MGAT4C: variants seen among roughly 807,000 people sequenced by gnomAD.
The protein encoded by MGAT4C is MGAT4 family member C.
MGAT4C carries 19 observed loss-of-function variants against 40.1 expected under a neutral mutation model. The ratio of observed to expected loss-of-function variants is 0.47; its 90% CI spans 0.33 to 0.70. The LOEUF (loss-of-function observed/expected upper bound fraction) is 0.70, where lower values mean the gene tolerates loss of function less well. Ranked by LOEUF, MGAT4C falls within the 30% of genes least tolerant of loss-of-function variation. The pLI is 0.02. For missense variants in MGAT4C, 491 were observed against 563.2 expected (o/e 0.87, Z 1.30); for synonymous variants, 181 against 187.1 (o/e 0.97, Z 0.27).
intron 1 of MGAT4C, among the ~76,000 whole-genome samples, chr12:86,124,803 A>G (rs544686919): frequency 1.3e-5 from 2 of 152,294 alleles, no homozygotes; most frequent in African/African-American, 4.8e-5. Context: ...TTTTAGTGCT[A>G]TAATTTTACC....
At chr12:86,372,742 A>C (rs1297820400) in intron 3 of MGAT4C, among the ~76,000 whole-genome samples, 1 of 151,820 alleles carries the variant, frequency 6.6e-6, no homozygotes. Context: ...TTTATATTCA[A>C]TTGCAATAGC....
chr12:86,146,559 C>T (rs1242176067), intron 1 of MGAT4C, among the ~76,000 whole-genome samples: 3 of 152,038 alleles, frequency 2.0e-5, no homozygotes, highest in Non-Finnish European at 1.5e-5. Context: ...ATTTAAATCT[C>T]TCTAAGAACT....
chr12:86,144,077 A>C (rs546430092), intron 1 of MGAT4C, among the ~76,000 whole-genome samples: 5 of 152,356 alleles, frequency 3.3e-5, no homozygotes, highest in African/African-American at 1.2e-4. Flanking sequence ...AGAGGGAGCC[A>C]CTAGGTGGCT....
intron 1 of MGAT4C, among the ~76,000 whole-genome samples, chr12:86,765,736 T>G (rs1393375731): frequency 6.6e-6 from 1 of 152,140 alleles, no homozygotes; most frequent in Non-Finnish European, 1.5e-5. Context: ...AAAAGAATAT[T>G]CAACCCAGAA....
At position 85,970,817 on chromosome 12, in the gene MGAT4C, T is replaced by C. The variant is rs1466286904; in HGVS notation, c.*8472A>G. On this transcript the variant is annotated 3_prime_UTR_variant, in exon 5 of 5. Coordinates refer to ENST00000611864, the MANE Select transcript of MGAT4C (RefSeq NM_001351288.2). ...AATTCACTAATGTGAAATGTTGATA[T>C]AGTATGTACAACTTGTTTCTTAAGT... 1 of 151,326 alleles carries C rather than the reference T, an allele frequency of 6.6e-6. No individual in the cohort carries two copies. Among genetic ancestry groups the C allele is most frequent in the Non-Finnish European group, 1.5e-5 (1 of 67,398 alleles). The allele number at this position is 151,326 out of a possible 1,614,324, so 9.4% of individuals were successfully genotyped here.
intron 2 of MGAT4C, among the ~76,000 whole-genome samples, chr12:86,517,352 T>G (rs1388202766): frequency 6.6e-6 from 1 of 152,010 alleles, no homozygotes; most frequent in East Asian, 1.9e-4. Flanking sequence ...GAACACAAAA[T>G]GGACCATCAA....
chr12:86,689,354 A>T (rs1021868329), intron 2 of MGAT4C, among the ~76,000 whole-genome samples: 1 of 152,090 alleles, frequency 6.6e-6, no homozygotes, highest in East Asian at 1.9e-4. Context: ...CAATTTATCA[A>T]ATTCATTCTC....
intron 2 of MGAT4C, among the ~76,000 whole-genome samples, chr12:86,641,770 G>A (rs145290913): frequency 8.6e-5 from 13 of 151,532 alleles, no homozygotes; most frequent in Non-Finnish European, 1.3e-4. Flanking sequence ...CATAACCTCC[G>A]CAAAAAAGGA....
chr12:86,325,884 A>T (rs12308879), intron 4 of MGAT4C, among the ~76,000 whole-genome samples: 1 of 20,652 alleles, frequency 4.8e-5, no homozygotes, highest in Non-Finnish European at 1.8e-4. Flanking sequence ...CTCCAAAAAG[A>T]AAAAAAAAAA....
intron 4 of MGAT4C, among the ~76,000 whole-genome samples, chr12:86,328,130 T>TTAATGTACCATTATATGTACCAATACCAA (rs1954568393): frequency 6.6e-6 from 1 of 152,186 alleles, no homozygotes; most frequent in Non-Finnish European, 1.5e-5. Flanking sequence ...TTATAAATGT[T>TTAATGTACCATTATATGTACCAATACCAA]TAATGTACCA....
chr12:86,494,123 T>A (rs903226382), intron 2 of MGAT4C, among the ~76,000 whole-genome samples: 5 of 152,090 alleles, frequency 3.3e-5, no homozygotes, highest in Admixed American at 2.0e-4. Flanking sequence ...TGCCCCTTTA[T>A]GGTCATTCAC....
chr12:86,145,124 T>C (rs1415484808), intron 1 of MGAT4C, among the ~76,000 whole-genome samples: 1 of 152,212 alleles, frequency 6.6e-6, no homozygotes, highest in Admixed American at 6.5e-5. Context: ...TCTAAATATT[T>C]TAAGCATAAT....
chr12:86,573,357 G>A (rs1204484195), intron 2 of MGAT4C, among the ~76,000 whole-genome samples: 2 of 151,914 alleles, frequency 1.3e-5, no homozygotes, highest in Admixed American at 6.6e-5. Context: ...TCCTCTAATT[G>A]TATCTATAAG....
chr12:86,443,056 A>C, intron 2 of MGAT4C, among the ~76,000 whole-genome samples: 1 of 152,206 alleles, frequency 6.6e-6, no homozygotes, highest in East Asian at 1.9e-4. Flanking sequence ...GCATAAACAT[A>C]ACTATAATAT....
intron 1 of MGAT4C, among the ~76,000 whole-genome samples, chr12:86,055,857 C>T (rs1893336859): frequency 1.3e-5 from 2 of 152,112 alleles, no homozygotes; most frequent in South Asian, 4.2e-4. Flanking sequence ...TCTCTTTCAG[C>T]CTCAGCTCTT....
chr12:86,258,801 T>G (rs1952595557), upstream of MGAT4C, among the ~76,000 whole-genome samples: 1 of 152,024 alleles, frequency 6.6e-6, no homozygotes, highest in African/African-American at 2.4e-5. Context: ...AAAATTTGAA[T>G]TGTTTAAAAA....
intron 1 of MGAT4C, among the ~76,000 whole-genome samples, chr12:86,813,942 G>T (rs905080990): frequency 6.6e-6 from 1 of 151,242 alleles, no homozygotes; most frequent in Admixed American, 6.6e-5. Flanking sequence ...ACAGAGTCTC[G>T]CTCTGTTGCC....
At chr12:86,407,744 T>C (rs1001381730) in intron 3 of MGAT4C, among the ~76,000 whole-genome samples, 3 of 152,078 alleles carry the variant, frequency 2.0e-5, no homozygotes, top group Non-Finnish European at 4.4e-5. Flanking sequence ...CTCTGTAAGG[T>C]TCATTTAGTA....
chr12:85,974,839 T>C lies in MGAT4C; in HGVS notation c.*4450A>G, dbSNP rs1883855377. 1 of 150,538 alleles carries C rather than the reference T, an allele frequency of 6.6e-6. No homozygotes were observed. 9.3% of individuals were successfully genotyped at this position (150,538 alleles called of 1,614,324 possible). A position where few individuals can be genotyped will look rare whatever the true frequency, so the allele number is the denominator to read the frequency against. Reference sequence around the variant, plus strand: ...AAAGTAGACTAGCAGATAAGATACCTATTTCAAACATCAGTGCCAAGGTAA... The same window carrying C: ...AAAGTAGACTAGCAGATAAGATACCCATTTCAAACATCAGTGCCAAGGTAA... On this transcript the variant is annotated 3_prime_UTR_variant, in exon 5 of 5. Transcript: ENST00000611864.
Sources: gnomAD v4.1 joint callset for allele counts (sites outside exome capture counted in the v4.1 genomes callset) on GRCh38, gnomAD v4.1.1 for gene constraint, MANE v1.5 for transcripts, NCBI Gene and HGNC (gene_info 2026-07-23, HGNC 2026-07-21) for gene names.